The following THADA variants were observed in gnomAD, a reference collection of about 807,000 sequenced individuals.
THADA encodes the protein THADA armadillo repeat containing, also known as tRNA (32-2'-O)-methyltransferase regulator THADA.
Under a neutral mutation model 219.8 loss-of-function variants are expected in THADA, and 213 were observed. That is an observed-to-expected ratio of 0.97 (90% CI 0.87 to 1.09). The LOEUF is 1.09. Among genes scored for constraint, THADA ranks in the 50% least tolerant of loss-of-function variants. THADA has a pLI of 0.00. For synonymous variants in THADA, 1,018 were observed against 828.9 expected (o/e 1.23, Z -3.92); for missense variants, 2,956 against 2,311.3 (o/e 1.28, Z -5.72).
At chr2:43,490,751 A>G (rs1316372311) in intron 25 of THADA, among the ~76,000 whole-genome samples, 7 of 152,136 alleles carry the variant, frequency 4.6e-5, no homozygotes, top group Admixed American at 1.3e-4. Flanking sequence ...ATCTCTTATG[A>G]TATCTAATTT....
intron 31 of THADA, among the ~76,000 whole-genome samples, chr2:43,294,308 A>C (rs1675102576): frequency 6.6e-6 from 1 of 152,224 alleles, no homozygotes; most frequent in South Asian, 2.1e-4. Context: ...TAGTTTGAGA[A>C]AGAGAAATGC....
At chr2:43,302,822 C>A (rs1676420487) in intron 31 of THADA, among the ~76,000 whole-genome samples, 1 of 152,084 alleles carries the variant, frequency 6.6e-6, no homozygotes, top group Admixed American at 6.5e-5. Context: ...GAGGCTGAGG[C>A]AGGAGGATTG....
chr2:43,344,032 C>A, intron 30 of THADA, 90 bp downstream of exon 30: 1 of 937,194 alleles, frequency 1.1e-6, no homozygotes, highest in Non-Finnish European at 1.7e-6. Context: ...ATGCCAATGA[C>A]TTTTAAAACT....
chr2:43,591,442 A>C (rs886318233), intron 3 of THADA, among the ~76,000 whole-genome samples: 1 of 151,890 alleles, frequency 6.6e-6, no homozygotes, highest in Non-Finnish European at 1.5e-5. Context: ...TCATGTCCCC[A>C]CCTCCCTCTT....
intron 29 of THADA, among the ~76,000 whole-genome samples, chr2:43,390,891 C>G (rs1673293903): frequency 6.6e-6 from 1 of 152,180 alleles, no homozygotes; most frequent in Admixed American, 6.5e-5. Context: ...CCGAAGGCCC[C>G]AGATAGAATC....
chr2:43,489,832 T>C (rs1446220248), intron 25 of THADA, among the ~76,000 whole-genome samples: 2 of 145,438 alleles, frequency 1.4e-5, no homozygotes, highest in Non-Finnish European at 3.0e-5. Context: ...TTGTTTTGGC[T>C]ATTATGGGTC....
chr2:43,542,940 A>G (rs1356001017), intron 20 of THADA, among the ~76,000 whole-genome samples: 1 of 151,870 alleles, frequency 6.6e-6, no homozygotes, highest in East Asian at 1.9e-4. Context: ...ATATGTATAC[A>G]TGTGCCATGC....
chr2:43,425,909 C>A (rs1678368819), intron 28 of THADA, among the ~76,000 whole-genome samples: 1 of 152,160 alleles, frequency 6.6e-6, no homozygotes, highest in Non-Finnish European at 1.5e-5. Context: ...TAGATGTGCT[C>A]TTTCTGTTAC....
intron 22 of THADA, among the ~76,000 whole-genome samples, chr2:43,525,079 GC>G (rs1692988122): frequency 6.6e-6 from 1 of 152,112 alleles, no homozygotes; most frequent in Non-Finnish European, 1.5e-5. Flanking sequence ...ACCAGGGTAT[GC>G]CATCATTATC....
chr2:43,571,718 G>A lies in THADA; in HGVS notation c.2053C>T (p.Leu685Phe), dbSNP rs1699323845. The change falls in exon 13 of 38, where the codon CTT (leucine) becomes TTT (phenylalanine). Residue 685 changes from leucine (L) to phenylalanine (F), a missense_variant. By Grantham distance (22) the Leu-to-Phe change is conservative. Coordinates refer to ENST00000405975, the MANE Select transcript of THADA (RefSeq NM_022065.5). The part of the protein sequence containing the change: ...SPGVRQQICS[L>F]LKKLFCRIQE... ...ATGGGAAATTCTACCTTTTTAAGAA[G>A]AGAACAGATCTGTTGCCGCACTCCT... The A allele has an allele frequency of 6.2e-7, 1 of 1,610,716 alleles. No individual in the cohort carries two copies. The highest frequency in any genetic ancestry group is 1.1e-5 in the South Asian group (1 of 90,658).
At chr2:43,274,385 G>A (rs984849784) in intron 36 of THADA, among the ~76,000 whole-genome samples, 2 of 152,158 alleles carry the variant, frequency 1.3e-5, no homozygotes, top group Non-Finnish European at 2.9e-5. Flanking sequence ...TTATTTCAAA[G>A]CGTACTCTCA....
chr2:43,499,750 G>A (rs911674115), intron 24 of THADA, among the ~76,000 whole-genome samples: 1 of 151,570 alleles, frequency 6.6e-6, no homozygotes, highest in Admixed American at 6.6e-5. Flanking sequence ...TAAATATTTT[G>A]AAGACGCTAC....
At chr2:43,345,365 T>C (rs766207934) in intron 29 of THADA, among the ~76,000 whole-genome samples, 3 of 152,188 alleles carry the variant, frequency 2.0e-5, no homozygotes, top group Non-Finnish European at 4.4e-5. Flanking sequence ...ACGTCTGCAA[T>C]CACCAACAAC....
intron 31 of THADA, among the ~76,000 whole-genome samples, chr2:43,313,933 G>T (rs895392437): frequency 6.6e-6 from 1 of 152,334 alleles, no homozygotes; most frequent in African/African-American, 2.4e-5. Flanking sequence ...GGCACTTCTC[G>T]CTATGCCTCA....
chr2:43,432,581 C>A (rs910276019), intron 26 of THADA, among the ~76,000 whole-genome samples: 1 of 151,970 alleles, frequency 6.6e-6, no homozygotes, highest in Admixed American at 6.6e-5. Flanking sequence ...ACATGTCTAA[C>A]CATTTAGGAA....
intron 7 of THADA, among the ~76,000 whole-genome samples, chr2:43,584,052 A>T (rs1700750031): frequency 6.6e-6 from 1 of 151,122 alleles, no homozygotes; most frequent in Non-Finnish European, 1.5e-5. Context: ...AAAAAAAAAA[A>T]AAAAAAAGGA....
rs1381302208 is a variant in THADA at position 43,415,440 on chromosome 2, T to C, written c.4058+12660A>G. Among the ~76,000 whole-genome samples the C allele has an allele frequency of 5.3e-5, 8 of 152,264 alleles. No individual in the cohort carries two copies. In the East Asian group the frequency reaches 1.5e-3, roughly 29 times the overall value. The stretch of plus-strand genomic sequence containing the variant: ...GAAAAAGGGACTGTTAATGGGAGTA[T>C]GTATTCATTAGTAGTAGTAGAACGT... On this transcript the variant is annotated intron_variant, in intron 28 of 37. Transcript: ENST00000405975.
At chr2:43,404,996 T>C (rs975950861) in intron 28 of THADA, among the ~76,000 whole-genome samples, 3 of 152,222 alleles carry the variant, frequency 2.0e-5, no homozygotes, top group Admixed American at 2.0e-4. Flanking sequence ...CTAGTGTTCT[T>C]TGTCTCAACA....
At chr2:43,260,516 G>T (rs530216486) in intron 36 of THADA, among the ~76,000 whole-genome samples, 2 of 152,174 alleles carry the variant, frequency 1.3e-5, no homozygotes, top group Non-Finnish European at 2.9e-5. Flanking sequence ...TGAGGTGGGA[G>T]GATCACTTGA....
Sources: gnomAD v4.1 joint callset for allele counts (sites outside exome capture counted in the v4.1 genomes callset) on GRCh38, gnomAD v4.1.1 for gene constraint, MANE v1.5 for transcripts, NCBI Gene and HGNC (gene_info 2026-07-23, HGNC 2026-07-21) for gene names.